DOCK10: variants seen among roughly 807,000 people sequenced by gnomAD.
The protein encoded by DOCK10 is dedicator of cytokinesis protein 10.
A neutral mutation model predicts 280.1 loss-of-function variants in DOCK10; 145 were observed. The ratio of observed to expected loss-of-function variants is 0.52; its 90% CI spans 0.45 to 0.59. The LOEUF (loss-of-function observed/expected upper bound fraction) is 0.59, where lower values mean the gene tolerates loss of function less well. DOCK10 is among the 20% of genes least tolerant of loss of function. The probability of loss-of-function intolerance (pLI) is 0.00; values close to 1 mark genes in which losing one functional copy is unlikely to be tolerated. For synonymous variants in DOCK10, 915 were observed against 942.2 expected, an observed-to-expected ratio of 0.97 and a Z score of 0.53; for missense variants, 2,368 against 2,651.7, an observed-to-expected ratio of 0.89 and a Z score of 2.35.
intron 1 of DOCK10, among the ~76,000 whole-genome samples, chr2:225,007,615 G>A (rs533431957): frequency 8.5e-5 from 13 of 152,256 alleles, no homozygotes; most frequent in African/African-American, 2.6e-4. Flanking sequence ...CTAATATTAA[G>A]TTGTATTAGA....
chr2:224,974,508 T>A (rs1467627730), intron 1 of DOCK10, among the ~76,000 whole-genome samples: 1 of 152,062 alleles, frequency 6.6e-6, no homozygotes, highest in East Asian at 1.9e-4. Context: ...TTACTCAGTT[T>A]TCACAAAGTT....
At chr2:224,842,401 T>G (rs1376146559) in intron 22 of DOCK10, among the ~76,000 whole-genome samples, 2 of 152,190 alleles carry the variant, frequency 1.3e-5, no homozygotes, top group African/African-American at 4.8e-5. Context: ...CACTTGAAAT[T>G]TACTTCCAGA....
intron 1 of DOCK10, among the ~76,000 whole-genome samples, chr2:224,974,791 C>CTAATA (rs1553626471): frequency 1.8e-4 from 15 of 82,236 alleles, no homozygotes; most frequent in East Asian, 5.3e-4. Flanking sequence ...AATGTTCTCT[C>CTAATA]TATATATATC....
At chr2:225,023,418 G>T (rs943341415) in intron 1 of DOCK10, among the ~76,000 whole-genome samples, 1 of 151,948 alleles carries the variant, frequency 6.6e-6, no homozygotes, top group Non-Finnish European at 1.5e-5. Context: ...ACACAAAATT[G>T]TCAGATGGGG....
intron 26 of DOCK10, 129 bp from the exon 27 acceptor site, chr2:224,830,741 G>C: frequency 4.4e-6 from 2 of 457,608 alleles, no homozygotes; most frequent in East Asian, 3.5e-5. Context: ...AAATGAATTA[G>C]AGCAGTAAAA....
chr2:224,830,596 A>C lies in DOCK10; in HGVS notation c.2981T>G (p.Phe994Cys). 1 of 1,535,386 alleles carries C rather than the reference A, an allele frequency of 6.5e-7. No individual in the cohort carries two copies. Among genetic ancestry groups the C allele is most frequent in the Non-Finnish European group, 8.8e-7 (1 of 1,134,788 alleles). The change falls in exon 27 of 56, where the codon TTT becomes TGT. Residue 994 changes from phenylalanine (F) to cysteine (C), a missense_variant. Around this residue, in one of 2 missense-constraint regions of DOCK10, gnomAD observed 1,209 missense variants for 1,250.9 expected, o/e 0.97. Coordinates refer to ENST00000258390, the MANE Select transcript of DOCK10 (RefSeq NM_014689.3). ...KHVLKHSWFF[F>C]AIILKSMAQH... ...TGCCATCGATTTTAGGATAATTGCA[A>C]AGAAGAACCAGGAATGCTGTTGGGA...
intron 11 of DOCK10, among the ~76,000 whole-genome samples, chr2:224,867,060 T>C (rs1313333748): frequency 6.9e-6 from 1 of 145,746 alleles, no homozygotes; most frequent in Non-Finnish European, 1.5e-5. Context: ...CCTCCGATCA[T>C]ACAGAGCTAA....
At chr2:224,875,874 A>C (rs985738934) in intron 8 of DOCK10, among the ~76,000 whole-genome samples, 164 bp downstream of exon 8, 2 of 152,170 alleles carry the variant, frequency 1.3e-5, no homozygotes, top group Non-Finnish European at 2.9e-5. Flanking sequence ...GGTGGCCATT[A>C]CTGTGCAGTA....
At chr2:224,800,053 T>A in intron 41 of DOCK10, 98 bp downstream of exon 41, 1 of 656,654 alleles carries the variant, frequency 1.5e-6, no homozygotes, top group Non-Finnish European at 2.6e-6. Flanking sequence ...GTTAATTGAT[T>A]TCATAAATAA....
intron 24 of DOCK10, among the ~76,000 whole-genome samples, chr2:224,838,073 A>G (rs1220623249): frequency 6.6e-6 from 1 of 152,212 alleles, no homozygotes; most frequent in Non-Finnish European, 1.5e-5. Context: ...TTTGAAACAC[A>G]AAGATGTAAG....
intron 1 of DOCK10, among the ~76,000 whole-genome samples, chr2:225,007,881 A>G (rs533769693): frequency 6.6e-6 from 1 of 152,368 alleles, no homozygotes; most frequent in South Asian, 2.1e-4. Context: ...GTCATGTAAA[A>G]AAGAATTACG....
chr2:224,962,036 A>G (rs1380423966), intron 1 of DOCK10, among the ~76,000 whole-genome samples: 10 of 152,194 alleles, frequency 6.6e-5, no homozygotes. Context: ...GTGCTAAAAC[A>G]AAGAATTGAC....
rs376424975 is a variant in DOCK10 at position 224,885,677 on chromosome 2, C to T, written c.741G>A (p.Val247=). 74 of 1,605,658 alleles carry T rather than the reference C, an allele frequency of 4.6e-5. No homozygotes were observed. The highest frequency in any genetic ancestry group is 5.7e-5 in the Non-Finnish European group (67 of 1,175,984). The change falls in exon 7 of 56, where the codon GTG becomes GTA. Residue 247 remains valine (V), a synonymous_variant. Transcript: ENST00000258390. ...AAAAGGGATGTCTACTCACCTGCAC[C>T]ACTCCTGTACAGGAATCCAAAAAGA... The part of the protein sequence containing the change: ...GCIFLDSCTG[V]VQNNRLRKYA...
chr2:224,979,963 T>TAAAA lies in DOCK10; in HGVS notation c.124-48299_124-48296dup, dbSNP rs35303687. The stretch of plus-strand genomic sequence containing the variant: ...TCTGGCTCCAGAGTCTGTGATCTTA[T>TAAAA]AAAAAAAAAAAATCAATATACAATA... On this transcript the variant is annotated intron_variant, in intron 1 of 55. Coordinates refer to ENST00000258390, the MANE Select transcript of DOCK10 (RefSeq NM_014689.3). 7.9e-3 allele frequency among the ~76,000 whole-genome samples: 1,177 copies of TAAAA among 149,128 alleles called. 13 individuals are homozygous for TAAAA. The highest frequency in any genetic ancestry group is 0.027 in the African/African-American group (1,085 of 40,650).
chr2:224,797,841 A>T lies in DOCK10; in HGVS notation c.4635T>A (p.Phe1545Leu), dbSNP rs1422663451. 2 of 1,613,342 alleles carry T rather than the reference A, an allele frequency of 1.2e-6. No individual in the cohort carries two copies. Among genetic ancestry groups the T allele is most frequent in the Admixed American group, 3.3e-5 (2 of 59,872 alleles). The stretch of plus-strand genomic sequence containing the variant: ...ACCTGGAGATCCTTACCTTGCATAC[A>T]AACAGTCTCAAGGAGGCAAACACAT... The part of the protein sequence containing the change: ...LKHVFASLRL[F>L]VCKFPSAFFQ... The change falls in exon 42 of 56, where the codon TTT becomes TTA. Residue 1545 changes from phenylalanine (F) to leucine (L), a missense_variant. Physicochemically the swap from Phe to Leu is conservative, Grantham distance 22. Transcript: ENST00000258390.
chr2:224,844,104 G>A (rs1425421939), intron 22 of DOCK10, among the ~76,000 whole-genome samples: 1 of 152,106 alleles, frequency 6.6e-6, no homozygotes, highest in Non-Finnish European at 1.5e-5. Flanking sequence ...TTGGTTTTCA[G>A]GTAAAGATCT....
chr2:224,928,028 A>G (rs1288318880), intron 2 of DOCK10, among the ~76,000 whole-genome samples: 1 of 152,096 alleles, frequency 6.6e-6, no homozygotes, highest in Non-Finnish European at 1.5e-5. Flanking sequence ...GACTCCACAC[A>G]CCCCAGAGGA....
intron 1 of DOCK10, among the ~76,000 whole-genome samples, chr2:224,965,231 G>C (rs1274280478): frequency 2.0e-5 from 3 of 152,190 alleles, no homozygotes; most frequent in Non-Finnish European, 4.4e-5. Context: ...ACTTCATAGT[G>C]TGTGCAAAGT....
intron 33 of DOCK10, chr2:224,807,334 G>C (rs1166789439): frequency 5.0e-6 from 1 of 201,674 alleles, no homozygotes; most frequent in African/African-American, 2.3e-5. Flanking sequence ...GACACCAGGG[G>C]GGGATGTAGG....
Sources: gnomAD v4.1 joint callset for allele counts (sites outside exome capture counted in the v4.1 genomes callset) on GRCh38, gnomAD v4.1.1 for gene constraint, gnomAD v4.1.1 regional missense constraint, MANE v1.5 for transcripts, NCBI Gene and HGNC (gene_info 2026-07-23, HGNC 2026-07-21) for gene names.